CCDC60: variants seen among roughly 807,000 people sequenced by gnomAD.
CCDC60 encodes the protein coiled-coil domain containing 60.
In CCDC60, 54 loss-of-function variants were observed where a neutral mutation model predicts 63.5. The ratio of observed to expected loss-of-function variants is 0.85; its 90% CI spans 0.68 to 1.07. The LOEUF (loss-of-function observed/expected upper bound fraction) is 1.07. CCDC60 is among the 50% of genes least tolerant of loss of function. The pLI is 0.00. For synonymous variants in CCDC60, 206 were observed against 238.8 expected, an observed-to-expected ratio of 0.86 and a Z score of 1.27; for missense variants, 651 against 684.3, an observed-to-expected ratio of 0.95 and a Z score of 0.54.
At chr12:119,439,209 A>G (rs922585240) in intron 2 of CCDC60, among the ~76,000 whole-genome samples, 1 of 150,112 alleles carries the variant, frequency 6.7e-6, no homozygotes, top group Non-Finnish European at 1.5e-5. Flanking sequence ...CCTAGGAAAC[A>G]CTTAGCTACA....
intron 13 of CCDC60, among the ~76,000 whole-genome samples, chr12:119,532,261 G>A (rs1451189479): frequency 1.3e-5 from 2 of 152,096 alleles, no homozygotes; most frequent in African/African-American, 4.8e-5. Flanking sequence ...TTGAAGTTAT[G>A]GAGGACTTTG....
Position 119,510,422 on chromosome 12 carries a change from G to C in CCDC60, c.883+5119G>C, listed in dbSNP as rs150113581. On this transcript the variant is annotated intron_variant, in intron 7 of 13. Transcript: ENST00000327554. The stretch of plus-strand genomic sequence containing the variant: ...ACTCCTGCTGAACCTTCAAGACCCA[G>C]TTCAAATGTTCCCTCCTCTGTGAAG... Among the ~76,000 whole-genome samples the C allele has an allele frequency of 1.6e-4, 25 of 152,240 alleles. No homozygotes were observed. The East Asian group carries it at 4.6e-3, about 28-fold the overall frequency.
At chr12:119,482,030 T>TATATA (rs1477822227) in intron 4 of CCDC60, among the ~76,000 whole-genome samples, 33 of 127,448 alleles carry the variant, frequency 2.6e-4, no homozygotes, top group African/African-American at 1.0e-3. Flanking sequence ...TATATATGTG[T>TATATA]GTATATATAT....
chr12:119,337,822 A>ATT (rs1442974513), intron 1 of CCDC60, among the ~76,000 whole-genome samples: 3 of 101,736 alleles, frequency 2.9e-5, no homozygotes, highest in African/African-American at 1.2e-4. Flanking sequence ...GTGTGTGTGT[A>ATT]TTTGTGTGTG....
At chr12:119,337,952 A>G (rs76121003) in intron 1 of CCDC60, among the ~76,000 whole-genome samples, 12,126 of 151,922 alleles carry the variant, frequency 0.08, 627 homozygotes, top group Middle Eastern at 0.18. Flanking sequence ...AGATGTAGAG[A>G]GTGGAGGAAG....
intron 2 of CCDC60, among the ~76,000 whole-genome samples, chr12:119,454,494 C>T (rs1039529162): frequency 4.5e-4 from 68 of 152,296 alleles, no homozygotes; most frequent in African/African-American, 1.2e-3. Flanking sequence ...GCCCTGGACA[C>T]GCTCAGTGGA....
intron 2 of CCDC60, among the ~76,000 whole-genome samples, chr12:119,453,079 A>G (rs1950663850): frequency 6.6e-6 from 1 of 152,296 alleles, no homozygotes; most frequent in East Asian, 1.9e-4. Flanking sequence ...TGCCCACCTC[A>G]GCCTCCCAAA....
intron 1 of CCDC60, among the ~76,000 whole-genome samples, chr12:119,360,127 T>C (rs1955761505): frequency 6.7e-6 from 1 of 150,054 alleles, no homozygotes; most frequent in Admixed American, 6.6e-5. Flanking sequence ...GAGGCACCCC[T>C]CACCTCCCGG....
At chr12:119,475,810 C>T (rs932471069) in intron 3 of CCDC60, among the ~76,000 whole-genome samples, 2 of 152,186 alleles carry the variant, frequency 1.3e-5, no homozygotes, top group African/African-American at 4.8e-5. Flanking sequence ...CTAGAGTCTA[C>T]GTATAAGACA....
intron 12 of CCDC60, 127 bp from the exon 13 acceptor site, chr12:119,530,747 C>G: frequency 2.9e-6 from 2 of 700,624 alleles, no homozygotes; most frequent in South Asian, 4.9e-5. Context: ...GGAAAGGTCC[C>G]TAGATAAAGA....
intron 4 of CCDC60, among the ~76,000 whole-genome samples, chr12:119,484,761 A>C (rs1566035475): frequency 6.6e-6 from 1 of 152,208 alleles, no homozygotes; most frequent in Non-Finnish European, 1.5e-5. Context: ...GTTCAGAAAA[A>C]TATCAGATCT....
At chr12:119,365,379 A>T (rs369944194) in intron 1 of CCDC60, among the ~76,000 whole-genome samples, 16 of 152,328 alleles carry the variant, frequency 1.1e-4, no homozygotes, top group South Asian at 8.3e-4. Flanking sequence ...CCTTTAGCAT[A>T]TTGTCTGTGT....
chr12:119,489,867 G>A lies in CCDC60; in HGVS notation c.557+1001G>A, dbSNP rs559772438. Among the ~76,000 whole-genome samples, 12 of 151,378 alleles carry A rather than the reference G, an allele frequency of 7.9e-5. 1 individual carries two copies. The South Asian group carries it at 1.5e-3, about 19-fold the overall frequency. On this transcript the variant is annotated intron_variant, in intron 5 of 13. Transcript: ENST00000327554. ...GGCCAGAGTACGGTGACGCAATCTC[G>A]GCTCACTGCAACCTCCATCTCCCGG...
At chr12:119,349,252 G>A (rs1012702985) in intron 1 of CCDC60, among the ~76,000 whole-genome samples, 2 of 151,808 alleles carry the variant, frequency 1.3e-5, no homozygotes, top group East Asian at 1.9e-4. Flanking sequence ...AAGCTTTGGG[G>A]GATAGAAAAA....
chr12:119,481,713 T>C (rs1274553668), intron 4 of CCDC60, among the ~76,000 whole-genome samples: 2 of 152,000 alleles, frequency 1.3e-5, no homozygotes, highest in South Asian at 2.1e-4. Context: ...CTGGGCCATA[T>C]ACACTGCAGC....
intron 1 of CCDC60, among the ~76,000 whole-genome samples, chr12:119,372,472 C>A (rs532077296): frequency 6.6e-6 from 1 of 152,158 alleles, no homozygotes; most frequent in Non-Finnish European, 1.5e-5. Flanking sequence ...CCTCCCATAG[C>A]GTGGCTTCCA....
At chr12:119,514,515 A>C (rs1487352507) in intron 7 of CCDC60, among the ~76,000 whole-genome samples, 1 of 152,122 alleles carries the variant, frequency 6.6e-6, no homozygotes, top group Non-Finnish European at 1.5e-5. Flanking sequence ...ATGTTTTAAA[A>C]GTAAAAAATT....
At chr12:119,485,208 A>G (rs1951406675) in intron 4 of CCDC60, among the ~76,000 whole-genome samples, 1 of 152,250 alleles carries the variant, frequency 6.6e-6, no homozygotes, top group Admixed American at 6.5e-5. Flanking sequence ...GGCTCAAAGA[A>G]GTTAAGTAAT....
intron 1 of CCDC60, among the ~76,000 whole-genome samples, chr12:119,372,750 T>C (rs909310798): frequency 6.6e-6 from 1 of 152,062 alleles, no homozygotes; most frequent in Non-Finnish European, 1.5e-5. Context: ...CATAACCCAC[T>C]AAACAAGCCA....
Sources: allele counts gnomAD v4.1 joint callset (sites outside exome capture counted in the v4.1 genomes callset), GRCh38; gene constraint gnomAD v4.1.1; transcripts MANE v1.5; gene names NCBI Gene and HGNC (gene_info 2026-07-23, HGNC 2026-07-21).